ESRRG: variants seen among roughly 807,000 people sequenced by gnomAD.
ESRRG encodes estrogen related receptor gamma.
In ESRRG, 13 loss-of-function variants were observed where a neutral mutation model predicts 44.0. The ratio of observed to expected loss-of-function variants is 0.30; its 90% CI spans 0.19 to 0.47. ESRRG has a LOEUF of 0.47. Among genes scored for constraint, ESRRG ranks in the 20% least tolerant of loss-of-function variants. The pLI, the probability that ESRRG is intolerant of heterozygous loss-of-function variation, is 1.00. For synonymous variants in ESRRG, 215 were observed against 214.6 expected (o/e 1.00, Z -0.02); for missense variants, 395 against 580.6 (o/e 0.68, Z 3.29).
intron 1 of ESRRG, among the ~76,000 whole-genome samples, chr1:217,034,959 C>T (rs1030772621): frequency 1.3e-5 from 2 of 152,234 alleles, no homozygotes; most frequent in East Asian, 1.9e-4. Context: ...CTATATGTTA[C>T]TTTATTTTTA....
At chr1:216,578,938 T>C (rs1378285034) in intron 3 of ESRRG, among the ~76,000 whole-genome samples, 2 of 152,104 alleles carry the variant, frequency 1.3e-5, no homozygotes, top group Admixed American at 6.6e-5. Flanking sequence ...TAAGGTCTCA[T>C]GGGAGAAACT....
At chr1:216,961,561 A>ATTTTTTT (rs35113256) in intron 1 of ESRRG, among the ~76,000 whole-genome samples, 4 of 131,970 alleles carry the variant, frequency 3.0e-5, no homozygotes, top group Non-Finnish European at 3.3e-5. Flanking sequence ...ATTTACTCTT[A>ATTTTTTT]TTTTTTTTTT....
chr1:216,623,077 C>CTTTTTTTT (rs370657704), intron 3 of ESRRG, among the ~76,000 whole-genome samples: 51 of 88,674 alleles, frequency 5.8e-4, no homozygotes, highest in African/African-American at 6.8e-4. Flanking sequence ...AATCATTAAA[C>CTTTTTTTT]TTTTTTTTTT....
rs1267045784 is a variant in ESRRG, at chr1:217,021,204, C to T, written c.-106+68303G>A. Among the ~76,000 whole-genome samples the T allele has an allele frequency of 2.0e-5, 3 of 152,074 alleles. No individual in the cohort carries two copies. The East Asian group carries it at 5.8e-4, about 29-fold the overall frequency. ...CACGTTCACAGACAACACTCCGGACCCATTGTTAGTGGGACTAGCTGGTTG... is the reference window on the plus strand; with the variant it reads ...CACGTTCACAGACAACACTCCGGACTCATTGTTAGTGGGACTAGCTGGTTG... On this transcript the variant is annotated intron_variant, in intron 1 of 7. Coordinates refer to the ESRRG transcript ENST00000359162.
intron 5 of ESRRG, among the ~76,000 whole-genome samples, chr1:216,527,566 C>T (rs1197622965): frequency 1.3e-5 from 2 of 152,088 alleles, no homozygotes; most frequent in Non-Finnish European, 2.9e-5. Flanking sequence ...CATGGATGTC[C>T]TAACATGTTA....
intron 1 of ESRRG, among the ~76,000 whole-genome samples, chr1:216,961,401 A>C (rs2069024281): frequency 6.6e-6 from 1 of 152,188 alleles, no homozygotes; most frequent in African/African-American, 2.4e-5. Context: ...GTCTATCTGG[A>C]TATGAAATTA....
At chr1:216,906,447 C>T (rs2149531433) in intron 2 of ESRRG, among the ~76,000 whole-genome samples, 1 of 152,250 alleles carries the variant, frequency 6.6e-6, no homozygotes, top group South Asian at 2.1e-4. Context: ...CTATTTGGGC[C>T]TTTGTCCATC....
In ESRRG at chr1:217,057,508, C is replaced by T. The variant is rs147187540; in HGVS notation, c.-106+31999G>A. Among the ~76,000 whole-genome samples the T allele has an allele frequency of 8.6e-3, 1,300 of 151,854 alleles. 5 individuals carry two copies. Among genetic ancestry groups the T allele is most frequent in the Non-Finnish European group, 0.015 (987 of 67,950 alleles). ...AGACATTAAGAAATGATACAAACTA[C>T]CAAAGAACATGACCATCTGATTAGA... On this transcript the variant is annotated intron_variant, in intron 1 of 7. Coordinates refer to the ESRRG transcript ENST00000359162.
chr1:216,867,808 C>A (rs2096192298), intron 2 of ESRRG, among the ~76,000 whole-genome samples: 1 of 151,888 alleles, frequency 6.6e-6, no homozygotes, highest in African/African-American at 2.4e-5. Flanking sequence ...GGTGTACAGC[C>A]CTATGAATCT....
intron 3 of ESRRG, among the ~76,000 whole-genome samples, chr1:216,647,532 T>C (rs893299731): frequency 2.0e-5 from 3 of 152,192 alleles, no homozygotes; most frequent in Admixed American, 6.5e-5. Context: ...AAATGTAGTG[T>C]ATTCAAGTAT....
intron 2 of ESRRG, among the ~76,000 whole-genome samples, chr1:216,791,859 G>A (rs1199118522): frequency 1.3e-5 from 2 of 152,082 alleles, no homozygotes; most frequent in Admixed American, 6.6e-5. Flanking sequence ...TGCAGATAAG[G>A]AAATTCAGAC....
intron 2 of ESRRG, among the ~76,000 whole-genome samples, chr1:216,861,115 G>C (rs969329549): frequency 6.6e-6 from 1 of 150,778 alleles, no homozygotes; most frequent in Admixed American, 6.6e-5. Flanking sequence ...AGCCAACCGA[G>C]GTCATAAAAT....
intron 1 of ESRRG, among the ~76,000 whole-genome samples, chr1:216,704,737 T>A (rs527852691): frequency 1.6e-4 from 24 of 152,312 alleles, no homozygotes; most frequent in African/African-American, 5.8e-4. Context: ...ATGTCTATGT[T>A]AATCTATAAT....
chr1:216,699,859 A>G (rs1321880865), intron 1 of ESRRG, among the ~76,000 whole-genome samples: 1 of 152,238 alleles, frequency 6.6e-6, no homozygotes, highest in Non-Finnish European at 1.5e-5. Context: ...AAGAAGAGTG[A>G]TGCTGTAGAG....
At chr1:216,564,111 G>GT (rs903999242) in intron 5 of ESRRG, 108 bp downstream of exon 5, 53 of 565,092 alleles carry the variant, frequency 9.4e-5, no homozygotes, top group Non-Finnish European at 1.4e-4. Flanking sequence ...AATGTAAAGG[G>GT]TTTTTTTAAG....
At chr1:216,918,447 C>G (rs1310568274) in intron 2 of ESRRG, among the ~76,000 whole-genome samples, 1 of 152,094 alleles carries the variant, frequency 6.6e-6, no homozygotes. Context: ...ATTTTTAAGG[C>G]TGAAACAAAT....
chr1:216,664,506 T>C (rs2073364015), intron 2 of ESRRG, among the ~76,000 whole-genome samples: 1 of 150,632 alleles, frequency 6.6e-6, no homozygotes, highest in Non-Finnish European at 1.5e-5. Context: ...CCTAAAGGCA[T>C]TGCATTAAGC....
chr1:216,600,327 T>A (rs892716497), intron 3 of ESRRG, among the ~76,000 whole-genome samples: 2 of 152,088 alleles, frequency 1.3e-5, no homozygotes, highest in African/African-American at 4.8e-5. Context: ...AACCCCCACA[T>A]AAACTATGGA....
In ESRRG at chr1:216,681,123, C is replaced by T. The variant is rs559378677; in HGVS notation, c.57-3632G>A. Among the ~76,000 whole-genome samples, 4 of 152,068 alleles carry T rather than the reference C, an allele frequency of 2.6e-5. No homozygotes were observed. The East Asian group carries it at 7.7e-4, about 29-fold the overall frequency. On this transcript the variant is annotated intron_variant, in intron 1 of 6. Transcript: ENST00000408911. ...ATGTGGGAAATATTTATTTTAAAGC[C>T]TTAGTATGGTTACTATTATTATTTT...
Sources: gnomAD v4.1 joint callset for allele counts (sites outside exome capture counted in the v4.1 genomes callset) on GRCh38, gnomAD v4.1.1 for gene constraint, MANE v1.5 for transcripts, NCBI Gene and HGNC (gene_info 2026-07-23, HGNC 2026-07-21) for gene names.